AMMECR1: variants seen among roughly 807,000 people sequenced by gnomAD.
AMMECR1 encodes the protein nuclear protein AMMECR1.
AMMECR1 carries 3 observed loss-of-function variants against 22.5 expected under a neutral mutation model. That is an observed-to-expected ratio of 0.13 (90% CI 0.06 to 0.35). The LOEUF (loss-of-function observed/expected upper bound fraction) is 0.35. Ranked by LOEUF, AMMECR1 falls within the 10% of genes least tolerant of loss-of-function variation. AMMECR1 has a pLI of 1.00. For synonymous variants in AMMECR1, 130 were observed against 116.7 expected, an observed-to-expected ratio of 1.11 and a Z score of -0.74; for missense variants, 235 against 278.7, an observed-to-expected ratio of 0.84 and a Z score of 1.12.
Position 110,317,626 on chromosome X carries a change from C to A in AMMECR1, c.446G>T (p.Arg149Leu). ...YCHLYGYQQP[R>L]TPRFTNEPYP... is the part of the protein sequence containing the mutation. ...GGGCTCGTTGGTGAATCGGGGGGTC[C>A]GGGGCTGCTGGTATCCATACAGGTG... The change falls in exon 1 of 6, where the codon CGG (arginine) becomes CTG (leucine). Residue 149 changes from arginine (R) to leucine (L), a missense_variant. Transcript: ENST00000262844. 1 of 1,198,096 alleles carries A rather than the reference C, an allele frequency of 8.3e-7. No homozygotes were observed. Among genetic ancestry groups the A allele is most frequent in the Admixed American group, 2.2e-5 (1 of 45,147 alleles).
chrX:110,420,562 G>A (rs947897704), intron 2 of AMMECR1, among the ~76,000 whole-genome samples: 1 of 111,818 alleles, frequency 8.9e-6, no homozygotes, highest in Non-Finnish European at 1.9e-5. Flanking sequence ...TTTTGTCATC[G>A]GTCTAAAAAG....
At chrX:110,295,872 T>C (rs5942913) in intron 1 of AMMECR1, among the ~76,000 whole-genome samples, 4,320 of 111,901 alleles carry the variant, frequency 0.039, 95 homozygotes, top group Non-Finnish European at 0.061. Flanking sequence ...TCAAATTACA[T>C]CTTTATATGA....
At chrX:110,335,777 C>G (rs1481440673) in intron 2 of AMMECR1, among the ~76,000 whole-genome samples, 2 of 112,067 alleles carry the variant, frequency 1.8e-5, no homozygotes, top group Non-Finnish European at 3.8e-5. Context: ...CATGTACATT[C>G]ATTTGGCAAA....
At chrX:110,389,181 T>C (rs2068477867) in intron 2 of AMMECR1, among the ~76,000 whole-genome samples, 1 of 112,664 alleles carries the variant, frequency 8.9e-6, no homozygotes, top group African/African-American at 3.2e-5. Context: ...AATGAATGAA[T>C]GCACTGCAAA....
Position 110,325,714 on chromosome X carries a change from T to C in AMMECR1, c.-147-7865A>G, listed in dbSNP as rs140584702. Among the ~76,000 whole-genome samples the C allele has an allele frequency of 2.8e-3, 312 of 112,081 alleles. 1 individual carries two copies. Among genetic ancestry groups the C allele is most frequent in the African/African-American group, 9.6e-3 (298 of 30,906 alleles). The stretch of plus-strand genomic sequence containing the variant: ...AACTAAAGACTTGTCAATTTTACTG[T>C]TCTTTTTAAAGAACCAACTTTTGGT... On this transcript the variant is annotated intron_variant, in intron 2 of 7. Coordinates refer to the AMMECR1 transcript ENST00000372057.
intron 1 of AMMECR1, among the ~76,000 whole-genome samples, chrX:110,429,853 T>A (rs2068784495): frequency 8.9e-6 from 1 of 112,884 alleles, no homozygotes; most frequent in Admixed American, 9.3e-5. Flanking sequence ...TTTTAATACA[T>A]GTAAAACTTA....
chrX:110,206,445 T>G (rs2067422250), intron 3 of AMMECR1, among the ~76,000 whole-genome samples: 1 of 112,168 alleles, frequency 8.9e-6, no homozygotes, highest in East Asian at 2.8e-4. Flanking sequence ...CAGTCAAAGC[T>G]TAATATACCC....
At chrX:110,224,337 G>A (rs1228418256) in intron 2 of AMMECR1, among the ~76,000 whole-genome samples, 1 of 111,112 alleles carries the variant, frequency 9.0e-6, no homozygotes, top group Non-Finnish European at 1.9e-5. Context: ...AAGAGCCATG[G>A]AGAATATAAG....
chrX:110,300,751 A>G (rs968232306), intron 1 of AMMECR1, among the ~76,000 whole-genome samples: 9 of 112,066 alleles, frequency 8.0e-5, no homozygotes, highest in East Asian at 5.5e-4. Context: ...ATTCTGGAAA[A>G]CTGACATTCG....
chrX:110,214,360 C>T (rs1272524533), intron 3 of AMMECR1, among the ~76,000 whole-genome samples: 1 of 111,008 alleles, frequency 9.0e-6, no homozygotes, highest in East Asian at 2.8e-4. Context: ...TACACAATAC[C>T]AAGTAGGAAC....
intron 2 of AMMECR1, among the ~76,000 whole-genome samples, chrX:110,410,102 G>A (rs376278447): frequency 1.8e-5 from 2 of 111,705 alleles, no homozygotes; most frequent in Non-Finnish European, 3.8e-5. Context: ...TGACTTTCTC[G>A]TTTTATGGGT....
At chrX:110,225,159 A>G in intron 2 of AMMECR1, 1 of 271,501 alleles carries the variant, frequency 3.7e-6, no homozygotes, top group South Asian at 4.7e-5. Flanking sequence ...TACTACTATG[A>G]CAGGCTAATA....
intron 2 of AMMECR1, chrX:110,346,566 A>G (rs2068189850): frequency 2.2e-6 from 1 of 446,075 alleles, no homozygotes; most frequent in Admixed American, 3.8e-5. Flanking sequence ...TGTTAAGGAC[A>G]GACAAAAGTA....
intron 2 of AMMECR1, among the ~76,000 whole-genome samples, chrX:110,234,423 A>G (rs1316182638): frequency 1.8e-5 from 2 of 112,238 alleles, no homozygotes; most frequent in African/African-American, 6.5e-5. Context: ...TTATAGATTC[A>G]ATGCCATCCC....
intron 1 of AMMECR1, among the ~76,000 whole-genome samples, chrX:110,268,925 TAGA>T (rs2067783923): frequency 8.9e-6 from 1 of 111,738 alleles, no homozygotes; most frequent in South Asian, 3.7e-4. Flanking sequence ...TACTACAAAC[TAGA>T]AGAGGGCTCA....
intron 1 of AMMECR1, among the ~76,000 whole-genome samples, chrX:110,271,123 A>C (rs780682804): frequency 7.1e-4 from 79 of 111,688 alleles, no homozygotes; most frequent in Non-Finnish European, 1.5e-3. Flanking sequence ...CTAAGTCACC[A>C]CTGTATCCTT....
chrX:110,309,949 C>T (rs1267831859), intron 1 of AMMECR1, among the ~76,000 whole-genome samples: 1 of 112,554 alleles, frequency 8.9e-6, no homozygotes, highest in East Asian at 2.8e-4. Flanking sequence ...TCACTGCCTG[C>T]TTTACAAATT....
At chrX:110,345,340 T>A (rs2068184067) in intron 2 of AMMECR1, among the ~76,000 whole-genome samples, 1 of 105,086 alleles carries the variant, frequency 9.5e-6, no homozygotes, top group Non-Finnish European at 1.9e-5. Context: ...CACCGGGGCC[T>A]GTTGTGGGGT....
intron 2 of AMMECR1, among the ~76,000 whole-genome samples, chrX:110,415,767 A>T (rs1305251461): frequency 9.0e-6 from 1 of 111,438 alleles, no homozygotes; most frequent in Non-Finnish European, 1.9e-5. Context: ...GCAGTAAAAT[A>T]CTCATTCCTT....
Sources: allele counts gnomAD v4.1 joint callset (sites outside exome capture counted in the v4.1 genomes callset), GRCh38; gene constraint gnomAD v4.1.1; transcripts MANE v1.5; gene names NCBI Gene and HGNC (gene_info 2026-07-23, HGNC 2026-07-21).